IRS1: variants seen among roughly 807,000 people sequenced by gnomAD.
IRS1 encodes insulin receptor substrate 1.
In IRS1, 34 loss-of-function variants were observed where a neutral mutation model predicts 65.6. That is an observed-to-expected ratio of 0.52 (90% CI 0.39 to 0.69). The LOEUF (loss-of-function observed/expected upper bound fraction) is 0.69, where lower values mean the gene tolerates loss of function less well. Among genes scored for constraint, IRS1 ranks in the 30% least tolerant of loss-of-function variants. The probability of loss-of-function intolerance (pLI) is 0.00; values close to 1 mark genes in which losing one functional copy is unlikely to be tolerated. For synonymous variants in IRS1, 699 were observed against 683.5 expected (o/e 1.02, Z -0.35); for missense variants, 1,641 against 1,720.2 (o/e 0.95, Z 0.81).
chr2:226,744,158 C>T (rs1270763091), intron 1 of IRS1, among the ~76,000 whole-genome samples: 1 of 152,188 alleles, frequency 6.6e-6, no homozygotes, highest in Non-Finnish European at 1.5e-5. Context: ...ATTAACACCA[C>T]TGACATCACT....
At chr2:226,773,626 TA>T (rs573153451) in intron 1 of IRS1, among the ~76,000 whole-genome samples, 307 of 143,742 alleles carry the variant, frequency 2.1e-3, no homozygotes, top group Non-Finnish European at 1.8e-3. Context: ...GCTTGCAAGT[TA>T]AAAAAAAAAA....
In IRS1 at chr2:226,795,119, G is replaced by C; in HGVS notation, c.3620C>G (p.Pro1207Arg). 1 of 1,609,588 alleles carries C rather than the reference G, an allele frequency of 6.2e-7. No individual in the cohort carries two copies. The highest frequency in any genetic ancestry group is 2.2e-5 in the East Asian group (1 of 44,830). ...CTCACCGCTGCCCAGGGGTTGATGA[G>C]GGGGTGGGGGTGGGGGAGGCTGCGG... The part of the protein sequence containing the change: ...PEPQPPPPPP[P>R]HQPLGSGESS... The change falls in exon 1 of 2, where the codon CCT becomes CGT. Residue 1207 changes from proline (P) to arginine (R), a missense_variant. By Grantham distance (103) the Pro-to-Arg change is moderately radical. Around this residue, in one of 3 missense-constraint regions of IRS1, gnomAD observed 1,324 missense variants for 1,361.0 expected, o/e 0.97. Transcript: ENST00000305123.
At position 226,799,693 on chromosome 2, in the gene IRS1, AG is replaced by A; in HGVS notation, c.-956del. 3.0e-6 allele frequency: 3 copies of A among 1,000,104 alleles called. No homozygotes were observed. The highest frequency in any genetic ancestry group is 3.6e-6 in the Non-Finnish European group (3 of 830,240). The allele number at this position is 1,000,104 out of a possible 1,614,324, so 62.0% of individuals were successfully genotyped here. On this transcript the variant is annotated 5_prime_UTR_variant, in exon 1 of 2. Coordinates refer to ENST00000305123, the MANE Select transcript of IRS1 (RefSeq NM_005544.3). This position sits in a 1 kb window ranked among gnomAD's most constrained non-coding sequence, Gnocchi z 6.1. ...CCTCCTCCTCCTCGGAGAGTTGCCG[AG>A]AGCCCCAACCAAAACAAGCGGCGGC...
rs1359335197 is a variant in IRS1, at chr2:226,735,933, C to A, written c.*339G>T. ...ATCTTGAAAATGCATTGAGAGTAAA[C>A]CCATTCTCTCATGACACGGTGGTGG... On this transcript the variant is annotated 3_prime_UTR_variant, in exon 2 of 2. Coordinates refer to ENST00000305123, the MANE Select transcript of IRS1 (RefSeq NM_005544.3). 2.0e-5 allele frequency: 3 copies of A among 152,580 alleles called. No homozygotes were observed. The highest frequency in any genetic ancestry group is 4.4e-5 in the Non-Finnish European group (3 of 68,042). 9.5% of individuals were successfully genotyped at this position (152,580 alleles called of 1,614,324 possible).
At position 226,791,637 on chromosome 2, in the gene IRS1, C is replaced by CCCGCCCGCCACCA. The variant is rs1227444695; in HGVS notation, c.*21+3339_*21+3351dup. ...GGTGGCAGAAAGCGGCCCAGGGACGCCCGCCCGCCACCACCGCCAGGGGAC... is the reference window on the plus strand; with the variant it reads ...GGTGGCAGAAAGCGGCCCAGGGACGCCCGCCCGCCACCACCGCCCGCCACCACCGCCAGGGGAC... On this transcript the variant is annotated intron_variant, in intron 1 of 1. Coordinates refer to ENST00000305123, the MANE Select transcript of IRS1 (RefSeq NM_005544.3). Among the ~76,000 whole-genome samples the CCCGCCCGCCACCA allele has an allele frequency of 2.7e-3, 411 of 152,024 alleles. 8 individuals carry two copies. The South Asian group carries it at 0.047, about 17-fold the overall frequency.
intron 1 of IRS1, among the ~76,000 whole-genome samples, chr2:226,761,591 C>T (rs1287732458): frequency 6.6e-6 from 1 of 152,128 alleles, no homozygotes; most frequent in African/African-American, 2.4e-5. Context: ...TGTTTCTTAT[C>T]AAACTTTAAA....
intron 1 of IRS1, among the ~76,000 whole-genome samples, chr2:226,743,754 T>C (rs1217742330): frequency 2.0e-5 from 3 of 152,220 alleles, no homozygotes; most frequent in Non-Finnish European, 2.9e-5. Context: ...GGGGTTTTGT[T>C]TGTAATGGTC....
chr2:226,779,210 C>A (rs897360038), intron 1 of IRS1, among the ~76,000 whole-genome samples: 3 of 152,170 alleles, frequency 2.0e-5, no homozygotes, highest in Non-Finnish European at 4.4e-5. Flanking sequence ...ATTACAACAG[C>A]TTACTTCTGC....
At position 226,795,473 on chromosome 2, in the gene IRS1, C is replaced by T. The variant is rs201525785; in HGVS notation, c.3266G>A (p.Arg1089His). 10 of 1,613,428 alleles carry T rather than the reference C, an allele frequency of 6.2e-6. No homozygotes were observed. Among genetic ancestry groups the T allele is most frequent in the South Asian group, 1.1e-5 (1 of 91,090 alleles). Residue 1089 changes from arginine to histidine, a missense_variant, in exon 1 of 2, where the codon CGT becomes CAT. Arg to His is a conservative substitution (Grantham distance 29). This residue lies in a region of IRS1 where 1,324 missense variants were observed against 1,361.0 expected (regional missense o/e 0.97). Transcript: ENST00000305123. The part of the protein sequence containing the change: ...PNRNQSAKVI[R>H]ADPQGCRRRH... ...CCGCCGGCACCCTTGTGGGTCTGCA[C>T]GGATCACTTTGGCACTCTGGTTGCG...
chr2:226,783,440 CTTGT>C (rs1939425417), intron 1 of IRS1, among the ~76,000 whole-genome samples: 1 of 152,094 alleles, frequency 6.6e-6, no homozygotes, highest in Non-Finnish European at 1.5e-5. Context: ...TCTTTATTTA[CTTGT>C]TTATTTTTGC....
At chr2:226,742,065 T>C (rs1938450446) in intron 1 of IRS1, among the ~76,000 whole-genome samples, 1 of 152,194 alleles carries the variant, frequency 6.6e-6, no homozygotes, top group African/African-American at 2.4e-5. Context: ...TGCATTCTCC[T>C]GGTCCAGCGC....
At chr2:226,779,916 G>C (rs1939348772) in intron 1 of IRS1, among the ~76,000 whole-genome samples, 1 of 152,158 alleles carries the variant, frequency 6.6e-6, no homozygotes, top group Non-Finnish European at 1.5e-5. Flanking sequence ...TCTTAGCAGA[G>C]TACCTACCAA....
intron 1 of IRS1, among the ~76,000 whole-genome samples, chr2:226,736,855 C>T (rs1003560026): frequency 6.6e-6 from 1 of 152,086 alleles, no homozygotes; most frequent in Non-Finnish European, 1.5e-5. Flanking sequence ...GGCAGAAGCA[C>T]AGCATTTCTT....
chr2:226,767,701 A>G (rs149038299), intron 1 of IRS1, among the ~76,000 whole-genome samples: 167 of 152,346 alleles, frequency 1.1e-3, no homozygotes, highest in African/African-American at 3.5e-3. Context: ...TGGCAAGACT[A>G]AAAAAGAAAC....
chr2:226,792,541 G>A (rs1031471940), intron 1 of IRS1, among the ~76,000 whole-genome samples: 2 of 152,206 alleles, frequency 1.3e-5, no homozygotes, highest in Admixed American at 6.5e-5. Context: ...CTGGACTACA[G>A]GTAAAGCAGA....
intron 1 of IRS1, among the ~76,000 whole-genome samples, chr2:226,767,110 A>C (rs1939067182): frequency 6.7e-6 from 1 of 148,826 alleles, no homozygotes; most frequent in African/African-American, 2.6e-5. Context: ...ATGTCACCAG[A>C]AAAAAGGCCT....
chr2:226,738,413 C>T (rs1285519426), intron 1 of IRS1, among the ~76,000 whole-genome samples: 1 of 152,180 alleles, frequency 6.6e-6, no homozygotes, highest in East Asian at 1.9e-4. Context: ...CAAATGATGA[C>T]TCTAGTTTTA....
rs2106188992 is a variant in IRS1 at position 226,799,369 on chromosome 2, T to G, written c.-631A>C. On this transcript the variant is annotated 5_prime_UTR_variant, in exon 1 of 2. Transcript: ENST00000305123. The surrounding 1 kb of genome is among the most constrained non-coding windows in gnomAD (Gnocchi z 6.1). ...GCGGCGCTGCGGCTGTTGCTGTTGC[T>G]GCTGCTGCTGCTGCTGCTGCTGCCG... 8.4e-7 allele frequency: 1 copy of G among 1,195,806 alleles called. No individual in the cohort carries two copies. The highest frequency in any genetic ancestry group is 1.4e-5 in the South Asian group (1 of 73,488). The allele number at this position is 1,195,806 out of a possible 1,614,324, so 74.1% of individuals were successfully genotyped here. A position where few individuals can be genotyped will look rare whatever the true frequency, so the allele number is the denominator to read the frequency against.
In IRS1 at chr2:226,799,444, G is replaced by C; in HGVS notation, c.-706C>G. On this transcript the variant is annotated 5_prime_UTR_variant, in exon 1 of 2. Transcript: ENST00000305123. The surrounding 1 kb of genome is among the most constrained non-coding windows in gnomAD (Gnocchi z 6.1). The stretch of plus-strand genomic sequence containing the variant: ...GCCCCCATCCGGGCCCATCTCGGCG[G>C]GTGGAGAAAGTGGCTTTTCCATGCG... 8.3e-7 allele frequency: 1 copy of C among 1,198,048 alleles called. No homozygotes were observed. 74.2% of individuals were successfully genotyped at this position (1,198,048 alleles called of 1,614,324 possible).
Sources: allele counts gnomAD v4.1 joint callset (sites outside exome capture counted in the v4.1 genomes callset), GRCh38; gene constraint gnomAD v4.1.1; regional missense constraint gnomAD v4.1.1; non-coding constraint Gnocchi (gnomAD v3.1); transcripts MANE v1.5; gene names NCBI Gene and HGNC (gene_info 2026-07-23, HGNC 2026-07-21).